The following SNX31 variants were observed in gnomAD, a reference collection of about 807,000 sequenced individuals.
The protein encoded by SNX31 is sorting nexin-31.
Under a neutral mutation model 65.4 loss-of-function variants are expected in SNX31, and 58 were observed. That is an observed-to-expected ratio of 0.89 (90% CI 0.72 to 1.10). SNX31 has a LOEUF of 1.10. SNX31 is among the 50% of genes least tolerant of loss of function. The probability of loss-of-function intolerance (pLI) is 0.00; values close to 1 mark genes in which losing one functional copy is unlikely to be tolerated. For missense variants in SNX31, 523 were observed against 529.7 expected, an observed-to-expected ratio of 0.99 and a Z score of 0.12; for synonymous variants, 181 against 190.1, an observed-to-expected ratio of 0.95 and a Z score of 0.39.
Position 100,607,838 on chromosome 8 carries a change from A to G in SNX31, c.681+656T>C, listed in dbSNP as rs1231395486. ...ATTTTTTAAAATAAAAACTAAAAAT[A>G]AAATGAAGAATTTCAAGTTGGTAAC... On this transcript the variant is annotated intron_variant, in intron 8 of 13. Transcript: ENST00000311812. Among the ~76,000 whole-genome samples, 4 of 152,364 alleles carry G rather than the reference A, an allele frequency of 2.6e-5. No homozygotes were observed. The East Asian group carries it at 7.7e-4, about 29-fold the overall frequency.
chr8:100,630,291 AGGAATGAT>A lies in SNX31; in HGVS notation c.321+28_321+35del. The A allele has an allele frequency of 6.2e-7, 1 of 1,602,222 alleles. No individual in the cohort carries two copies. Among genetic ancestry groups the A allele is most frequent in the Non-Finnish European group, 8.5e-7 (1 of 1,169,622 alleles). On this transcript the variant is annotated intron_variant, in intron 4 of 13. Coordinates refer to ENST00000311812, the MANE Select transcript of SNX31 (RefSeq NM_152628.4). The surrounding 1 kb of genome is among the most constrained non-coding windows in gnomAD (Gnocchi z 5.3). ...TTGGTTCATGAAGAGTGTCCTGCAG[AGGAATGAT>A]GGCCCCATTAAAGAAGAGCAAGCTT...
intron 9 of SNX31, among the ~76,000 whole-genome samples, chr8:100,599,364 G>T (rs1815399488): frequency 6.6e-6 from 1 of 152,064 alleles, no homozygotes; most frequent in South Asian, 2.1e-4. Context: ...GTTTGTAATT[G>T]CATCTGAAGT....
chr8:100,584,748 CTTTTTTT>C (rs531595486), intron 11 of SNX31, among the ~76,000 whole-genome samples: 8 of 135,440 alleles, frequency 5.9e-5, no homozygotes, highest in African/African-American at 1.3e-4. Flanking sequence ...TTTTCTTTTT[CTTTTTTT>C]TTTTTTTTTC....
Position 100,581,348 on chromosome 8 carries a change from T to TAG in SNX31, c.1170+2762_1170+2763insCT, listed in dbSNP as rs1813531772. On this transcript the variant is annotated intron_variant, in intron 12 of 13. Transcript: ENST00000311812. ...ATCTATCTATCTATCTATATATATA[T>TAG]ATATATATAATTTAAGAACTTAATA... Among the ~76,000 whole-genome samples, 14 of 147,236 alleles carry TAG rather than the reference T, an allele frequency of 9.5e-5. No individual in the cohort carries two copies. In the South Asian group the frequency reaches 1.3e-3, roughly 13 times the overall value.
Position 100,647,205 on chromosome 8 carries a change from G to A in SNX31, c.141+2069C>T, listed in dbSNP as rs1170528516. Among the ~76,000 whole-genome samples, 4 of 152,154 alleles carry A rather than the reference G, an allele frequency of 2.6e-5. No individual in the cohort carries two copies. In the East Asian group the frequency reaches 5.8e-4, roughly 22 times the overall value. On this transcript the variant is annotated intron_variant, in intron 2 of 13. Transcript: ENST00000311812. ...AAATATTCATATGCGATATATGGAA[G>A]TTGGAAACTAGACAAAGAAATTTCC...
At chr8:100,589,429 T>G (rs1460567469) in intron 10 of SNX31, among the ~76,000 whole-genome samples, 1 of 152,120 alleles carries the variant, frequency 6.6e-6, no homozygotes, top group Non-Finnish European at 1.5e-5. Context: ...GTTTGATATA[T>G]TAATAGTTAA....
chr8:100,605,215 C>G (rs546307453), intron 8 of SNX31, among the ~76,000 whole-genome samples: 33 of 152,222 alleles, frequency 2.2e-4, no homozygotes, highest in African/African-American at 7.5e-4. Flanking sequence ...TAGTCTTTCA[C>G]ATATCCCAGA....
intron 3 of SNX31, among the ~76,000 whole-genome samples, chr8:100,635,215 T>G (rs1232669998): frequency 6.6e-6 from 1 of 151,824 alleles, no homozygotes; most frequent in Non-Finnish European, 1.5e-5. Flanking sequence ...TAGTGAGACC[T>G]CATCTCTTTT....
rs984831018 is a variant in SNX31 at position 100,576,886 on chromosome 8, A to G, written c.1227+133T>C. 2 of 745,730 alleles carry G rather than the reference A, an allele frequency of 2.7e-6. No homozygotes were observed. The highest frequency in any genetic ancestry group is 3.5e-5 in the African/African-American group (2 of 56,478). 46.2% of individuals were successfully genotyped at this position (745,730 alleles called of 1,614,324 possible). On this transcript the variant is annotated intron_variant, in intron 13 of 13. Coordinates refer to ENST00000311812, the MANE Select transcript of SNX31 (RefSeq NM_152628.4). This position sits in a 1 kb window ranked among gnomAD's most constrained non-coding sequence, Gnocchi z 4.8. ...CTGTGATGGCCTTCCAATTGGCCCA[A>G]TCTACAAAGAGGAGCTTCTGAGAAA...
At chr8:100,620,100 C>A (rs552897174) in intron 4 of SNX31, 1 of 152,146 alleles carries the variant, frequency 6.6e-6, no homozygotes, top group South Asian at 2.1e-4. Flanking sequence ...TTTTGTTACA[C>A]GGGTTTATTG....
At chr8:100,631,084 G>A (rs923692367) in intron 3 of SNX31, among the ~76,000 whole-genome samples, 8 of 152,030 alleles carry the variant, frequency 5.3e-5, no homozygotes, top group African/African-American at 1.2e-4. Context: ...CACAGCACCC[G>A]GCCGAGAGCA....
At chr8:100,644,688 A>G (rs913372408) in intron 2 of SNX31, among the ~76,000 whole-genome samples, 6 of 152,200 alleles carry the variant, frequency 3.9e-5, no homozygotes, top group South Asian at 4.1e-4. Flanking sequence ...GTTTTGAGAC[A>G]GAGTCTCCCT....
At position 100,596,657 on chromosome 8, in the gene SNX31, G is replaced by A. The variant is rs746410180; in HGVS notation, c.960C>T (p.Cys320=). The part of the protein sequence containing the change: ...DIVFQMSRVK[C]WQVTFLGTLL... Reference sequence around the variant, plus strand: ...TACTCACAAGGAAAGTGACCTGCCAGCACTTCACCCTGCTCATCTGGAAAA... The same window carrying A: ...TACTCACAAGGAAAGTGACCTGCCAACACTTCACCCTGCTCATCTGGAAAA... The change falls in exon 10 of 14, where the codon TGC becomes TGT. Residue 320 remains cysteine, a synonymous_variant. Transcript: ENST00000311812. The A allele has an allele frequency of 6.2e-6, 10 of 1,614,004 alleles. No homozygotes were observed. The African/African-American group carries it at 1.2e-4, about 19-fold the overall frequency.
intron 12 of SNX31, among the ~76,000 whole-genome samples, chr8:100,580,133 G>A (rs954209266): frequency 3.5e-5 from 5 of 144,768 alleles, no homozygotes; most frequent in Admixed American, 2.9e-4. Context: ...CTGCACTCCA[G>A]CCTGGGAGAC....
rs537961998 is a variant in SNX31 at position 100,627,140 on chromosome 8, T to C, written c.321+3187A>G. On this transcript the variant is annotated intron_variant, in intron 4 of 13. Coordinates refer to ENST00000311812, the MANE Select transcript of SNX31 (RefSeq NM_152628.4). Reference sequence around the variant, plus strand: ...AGGCTGAGGCGGGAAGATCACAAGGTCAGGAGTTCAAGACCAGCCTGACCA... The same window carrying C: ...AGGCTGAGGCGGGAAGATCACAAGGCCAGGAGTTCAAGACCAGCCTGACCA... 4.6e-5 allele frequency among the ~76,000 whole-genome samples: 7 copies of C among 152,108 alleles called. No individual in the cohort carries two copies. The South Asian group carries it at 1.5e-3, about 32-fold the overall frequency.
intron 7 of SNX31, 63 bp from the exon 8 acceptor site, chr8:100,608,626 T>C (rs984100284): frequency 6.5e-7 from 1 of 1,549,464 alleles, no homozygotes. Context: ...ACCTGGCAAG[T>C]GCTTTGGAAA....
intron 12 of SNX31, among the ~76,000 whole-genome samples, chr8:100,577,918 G>A (rs1169428564): frequency 6.6e-6 from 1 of 152,168 alleles, no homozygotes; most frequent in Non-Finnish European, 1.5e-5. Flanking sequence ...GAGTTATCCA[G>A]GGATGTCCAA....
intron 8 of SNX31, among the ~76,000 whole-genome samples, chr8:100,601,904 C>A (rs915982123): frequency 2.0e-5 from 3 of 152,122 alleles, no homozygotes; most frequent in Non-Finnish European, 2.9e-5. Flanking sequence ...TGAGCAGGCA[C>A]CTTTTCCTGT....
chr8:100,607,147 G>A (rs940859270), intron 8 of SNX31, among the ~76,000 whole-genome samples: 4 of 152,218 alleles, frequency 2.6e-5, no homozygotes, highest in Admixed American at 6.5e-5. Context: ...AAGTCTGGGA[G>A]GGGGTGGAGC....
Sources: allele counts gnomAD v4.1 joint callset (sites outside exome capture counted in the v4.1 genomes callset), GRCh38; gene constraint gnomAD v4.1.1; non-coding constraint Gnocchi (gnomAD v3.1); transcripts MANE v1.5; gene names NCBI Gene and HGNC (gene_info 2026-07-23, HGNC 2026-07-21).